ZBTB25: variants seen among roughly 807,000 people sequenced by gnomAD.
The protein encoded by ZBTB25 is zinc finger and BTB domain-containing protein 25.
Under a neutral mutation model 34.2 loss-of-function variants are expected in ZBTB25, and 20 were observed. That is an observed-to-expected ratio of 0.58 (90% confidence interval 0.41 to 0.85). The LOEUF is 0.85. Among genes scored for constraint, ZBTB25 ranks in the 40% least tolerant of loss-of-function variants. The probability of loss-of-function intolerance (pLI) is 0.00; values close to 1 mark genes in which losing one functional copy is unlikely to be tolerated. For synonymous variants in ZBTB25, 175 were observed against 186.4 expected (o/e 0.94, Z 0.50); for missense variants, 437 against 521.8 (o/e 0.84, Z 1.58).
downstream of ZBTB25, among the ~76,000 whole-genome samples, chr14:64,476,283 T>C (rs2078718329): frequency 6.6e-6 from 1 of 152,270 alleles, no homozygotes; most frequent in Admixed American, 6.5e-5. Flanking sequence ...ATAAGAACTT[T>C]AGAATATCAC....
intron 1 of ZBTB25, 115 bp downstream of exon 1, chr14:64,503,546 C>T (rs892453884): frequency 1.3e-5 from 13 of 985,912 alleles, no homozygotes; most frequent in Non-Finnish European, 1.6e-5. Context: ...CCCCTCTCCC[C>T]AGCTACTTGC....
chr14:64,503,222 ATC>A, intron 1 of ZBTB25: 1 of 985,494 alleles, frequency 1.0e-6, no homozygotes, highest in Non-Finnish European at 1.2e-6. Flanking sequence ...AAACGAGGTA[ATC>A]ACAAGCTGGG....
intron 1 of ZBTB25, among the ~76,000 whole-genome samples, chr14:64,495,251 G>A (rs1303303430): frequency 6.6e-6 from 1 of 152,180 alleles, no homozygotes; most frequent in Non-Finnish European, 1.5e-5. Flanking sequence ...ACCTTAGCTG[G>A]ACTTAAACTC....
chr14:64,486,136 A>T lies in ZBTB25; in HGVS notation c.*787T>A. 2 of 654,432 alleles carry T rather than the reference A, an allele frequency of 3.1e-6. No homozygotes were observed. Among genetic ancestry groups the T allele is most frequent in the Non-Finnish European group, 3.8e-6 (2 of 528,156 alleles). The allele number at this position is 654,432 out of a possible 1,614,324, so 40.5% of individuals were successfully genotyped here. On this transcript the variant is annotated 3_prime_UTR_variant, in exon 3 of 3. Transcript: ENST00000608382. ...AACACGGTGAAACCCCGTCTCTACT[A>T]AAAAAATACAAAAAAATTAGCTGGG... is the stretch of plus-strand genomic sequence containing the variant.
intron 2 of ZBTB25, chr14:64,460,111 G>A: frequency 1.7e-6 from 1 of 596,526 alleles, no homozygotes. Flanking sequence ...GAAGATGCAA[G>A]TTGCAGTGTG....
intron 2 of ZBTB25, chr14:64,471,882 T>C (rs986167010): frequency 2.6e-4 from 44 of 166,876 alleles, no homozygotes; most frequent in African/African-American, 1.0e-3. Context: ...TTCATTTCTT[T>C]CTGTAAATAC....
upstream of ZBTB25, chr14:64,504,704 GC>G (rs2140052561): frequency 5.4e-6 from 2 of 368,236 alleles, no homozygotes; most frequent in Non-Finnish European, 9.7e-6. Context: ...ACCCGGAGTC[GC>G]CGCGTAAGCG....
chr14:64,449,964 A>AT (rs199540813), intron 2 of ZBTB25, among the ~76,000 whole-genome samples: 4 of 151,838 alleles, frequency 2.6e-5, no homozygotes, highest in Admixed American at 2.6e-4. Context: ...AATTTTTCTT[A>AT]TTTTTTTAGT....
chr14:64,475,240 C>T (rs555619757), downstream of ZBTB25, among the ~76,000 whole-genome samples: 7 of 152,086 alleles, frequency 4.6e-5, no homozygotes, highest in Non-Finnish European at 1.0e-4. Flanking sequence ...GAGATGGAAA[C>T]CATCCTGGCT....
chr14:64,487,576 G>A lies in ZBTB25; in HGVS notation c.655C>T (p.Pro219Ser), dbSNP rs147960203. 1.5e-5 allele frequency: 24 copies of A among 1,607,790 alleles called. No individual in the cohort carries two copies. The African/African-American group carries it at 2.1e-4, about 14-fold the overall frequency. The stretch of plus-strand genomic sequence containing the variant: ...CCTGTCACCTCTGATGAGGGTGAGG[G>A]GTGGCTCTGGGAGATCACAGATTCT... ...DPESVISQSH[P>S]SPSSEVTGPT... The change falls in exon 3 of 3, where the codon CCC (proline) becomes TCC (serine). Residue 219 changes from proline to serine, a missense_variant. Transcript: ENST00000608382.
At chr14:64,477,384 A>G (rs1177456189), downstream of ZBTB25, among the ~76,000 whole-genome samples, 1 of 152,220 alleles carries the variant, frequency 6.6e-6, no homozygotes, top group African/African-American at 2.4e-5. Flanking sequence ...GATATTTAAG[A>G]TTTTAAAAAA....
Position 64,491,124 on chromosome 14 carries a change from T to C in ZBTB25, c.-7-584A>G, listed in dbSNP as rs540409916. The stretch of plus-strand genomic sequence containing the variant: ...CACAGTAGCTCAGGAACTCTTAAAA[T>C]AGATGTCAAGCCACATCCCCAATTT... On this transcript the variant is annotated intron_variant, in intron 1 of 2. Coordinates refer to ENST00000608382, the MANE Select transcript of ZBTB25 (RefSeq NM_006977.5). Among the ~76,000 whole-genome samples the C allele has an allele frequency of 2.6e-5, 4 of 152,234 alleles. No homozygotes were observed. In the South Asian group the frequency reaches 6.2e-4, roughly 24 times the overall value.
At chr14:64,458,170 T>C in intron 2 of ZBTB25, 1 of 1,455,222 alleles carries the variant, frequency 6.9e-7, no homozygotes, top group South Asian at 1.1e-5. Context: ...CGTGAGCCAC[T>C]GTGCCCAGCA....
In ZBTB25 at chr14:64,487,302, T is replaced by G; in HGVS notation, c.929A>C (p.Asp310Ala). 6.2e-7 allele frequency: 1 copy of G among 1,614,046 alleles called. No individual in the cohort carries two copies. Among genetic ancestry groups the G allele is most frequent in the South Asian group, 1.1e-5 (1 of 91,078 alleles). ...CTCTGTGGTACCCCGGTTGGTGTGG[T>G]CTGGCTGCTGTTCATTCTCCTTAAC... Reference protein sequence around the residue: ...FIVKENEQQPDHTNRGTTEPL... With the variant: ...FIVKENEQQPAHTNRGTTEPL... Residue 310 changes from aspartate (D) to alanine (A), a missense_variant, in exon 3 of 3, where the codon GAC (aspartate) becomes GCC (alanine). Transcript: ENST00000608382.
At chr14:64,476,894 T>A (rs1279145334), downstream of ZBTB25, among the ~76,000 whole-genome samples, 2 of 152,246 alleles carry the variant, frequency 1.3e-5, no homozygotes, top group Non-Finnish European at 2.9e-5. Flanking sequence ...TAACAGTGAA[T>A]AATGATAATC....
At chr14:64,469,029 T>C in intron 2 of ZBTB25, 1 of 1,614,134 alleles carries the variant, frequency 6.2e-7, no homozygotes, top group East Asian at 2.2e-5. Context: ...GTGATTTCAG[T>C]AGAACTTGGA....
At chr14:64,469,845 C>G (rs914910709) in intron 2 of ZBTB25, 9 of 558,294 alleles carry the variant, frequency 1.6e-5, no homozygotes, top group African/African-American at 1.6e-4. Context: ...TTATAAAACT[C>G]TACCACTGAA....
At chr14:64,490,644 C>T in intron 1 of ZBTB25, 104 bp from the exon 2 acceptor site, 2 of 1,026,532 alleles carry the variant, frequency 1.9e-6, no homozygotes, top group Non-Finnish European at 1.3e-6. Flanking sequence ...TACAGAGTAA[C>T]AAGGAGATCT....
At position 64,479,092 on chromosome 14, in the gene ZBTB25, G is replaced by T. The variant is rs1185696594; in HGVS notation, c.*7831C>A. ...GCTGGGATCAAGGATAATACAAATA[G>T]AATTTAATTCTGAACACATCTCATA... On this transcript the variant is annotated 3_prime_UTR_variant, in exon 3 of 3. Transcript: ENST00000608382. 1 of 152,046 alleles carries T rather than the reference G, an allele frequency of 6.6e-6. No homozygotes were observed. Among genetic ancestry groups the T allele is most frequent in the Non-Finnish European group, 1.5e-5 (1 of 68,010 alleles). The allele number at this position is 152,046 out of a possible 1,614,324, so 9.4% of individuals were successfully genotyped here.
Sources: gnomAD v4.1 joint callset for allele counts (sites outside exome capture counted in the v4.1 genomes callset) on GRCh38, gnomAD v4.1.1 for gene constraint, MANE v1.5 for transcripts, NCBI Gene and HGNC (gene_info 2026-07-23, HGNC 2026-07-21) for gene names.